Variants in LUZP1 observed in about 807,000 individuals in gnomAD.
LUZP1 encodes leucine zipper protein 1.
LUZP1 carries 25 observed loss-of-function variants against 71.3 expected under a neutral mutation model. The observed-to-expected ratio is 0.35, with a 90% CI of 0.26 to 0.49. The LOEUF is 0.49. LUZP1 is among the 20% of genes least tolerant of loss of function. The pLI is 0.99. For synonymous variants in LUZP1, 481 were observed against 506.4 expected (o/e 0.95, Z 0.67); for missense variants, 1,142 against 1,300.8 (o/e 0.88, Z 1.88).
Position 23,093,849 on chromosome 1 carries a change from C to G in LUZP1, c.413G>C (p.Cys138Ser). Residue 138 changes from cysteine (C) to serine (S), a missense_variant, in exon 4 of 5, where the codon TGT becomes TCT. Transcript: ENST00000302291. This position sits in a 1 kb window ranked among gnomAD's most constrained non-coding sequence, Gnocchi z 4.2. Reference sequence around the variant, plus strand: ...ATTTCTCTCCTCATTCAGGCTCAGACACAGCTGGGTACAGTCATTCTTACT... The same window carrying G: ...ATTTCTCTCCTCATTCAGGCTCAGAGACAGCTGGGTACAGTCATTCTTACT... 1 of 1,614,104 alleles carries G rather than the reference C, an allele frequency of 6.2e-7. No individual in the cohort carries two copies. Among genetic ancestry groups the G allele is most frequent in the Non-Finnish European group, 8.5e-7 (1 of 1,180,022 alleles).
At chr1:23,126,251 C>G (rs1644171050) in intron 2 of LUZP1, among the ~76,000 whole-genome samples, 1 of 152,088 alleles carries the variant, frequency 6.6e-6, no homozygotes, top group South Asian at 2.1e-4. Context: ...TCAGTGCTCT[C>G]TCAACTCATA....
intron 1 of LUZP1, among the ~76,000 whole-genome samples, chr1:23,173,350 C>CTTTTTTTTTTTTTTT (rs869169060): frequency 2.5e-5 from 2 of 80,358 alleles, no homozygotes; most frequent in African/African-American, 4.9e-5. Context: ...TTTGTTTTTT[C>CTTTTTTTTTTTTTTT]TTTTTTTTTT....
intron 1 of LUZP1, among the ~76,000 whole-genome samples, chr1:23,177,169 G>A (rs2148229988): frequency 6.6e-6 from 1 of 152,270 alleles, no homozygotes; most frequent in East Asian, 1.9e-4. Context: ...GGGATTACAG[G>A]CATGAGCCAC....
Position 23,094,125 on chromosome 1 carries a change from T to C in LUZP1, c.137A>G (p.Asp46Gly). The change falls in exon 4 of 5, where the codon GAT (aspartate) becomes GGT (glycine). Residue 46 changes from aspartate (D) to glycine (G), a missense_variant. By Grantham distance (94) the Asp-to-Gly change is moderately conservative (BLOSUM62 -1). Transcript: ENST00000302291. This position sits in a 1 kb window ranked among gnomAD's most constrained non-coding sequence, Gnocchi z 4.7. Reference sequence around the variant, plus strand: ...TGCCTGAATCACCTTGTCCTGGAGATCCAGGAGTTCATCCTCTGCTTTCTG... The same window carrying C: ...TGCCTGAATCACCTTGTCCTGGAGACCCAGGAGTTCATCCTCTGCTTTCTG... 6.2e-7 allele frequency: 1 copy of C among 1,614,198 alleles called. No individual in the cohort carries two copies.
chr1:23,156,137 T>C (rs1465479372), intron 2 of LUZP1, among the ~76,000 whole-genome samples: 1 of 152,160 alleles, frequency 6.6e-6, no homozygotes, highest in African/African-American at 2.4e-5. Flanking sequence ...TCCCAGCACT[T>C]TGGGAGGCCA....
intron 3 of LUZP1, among the ~76,000 whole-genome samples, chr1:23,098,109 T>C (rs1000058539): frequency 6.6e-6 from 1 of 152,214 alleles, no homozygotes; most frequent in Non-Finnish European, 1.5e-5. Flanking sequence ...CTTGTTCAGC[T>C]GGCTGAACAG....
At chr1:23,163,186 G>A (rs1644482430) in intron 2 of LUZP1, among the ~76,000 whole-genome samples, 1 of 142,402 alleles carries the variant, frequency 7.0e-6, no homozygotes, top group South Asian at 2.3e-4. Flanking sequence ...GTTGCAATGA[G>A]CCGAGATCAC....
chr1:23,101,483 T>C (rs1419194303), intron 3 of LUZP1, among the ~76,000 whole-genome samples: 2 of 152,190 alleles, frequency 1.3e-5, no homozygotes, highest in Non-Finnish European at 2.9e-5. Flanking sequence ...AAGTCACTGA[T>C]TTTCTCTATG....
intron 2 of LUZP1, among the ~76,000 whole-genome samples, chr1:23,153,014 C>T (rs1004740823): frequency 6.6e-6 from 1 of 152,166 alleles, no homozygotes; most frequent in Non-Finnish European, 1.5e-5. Flanking sequence ...CCTTAACTGG[C>T]TTCCTTTCAG....
chr1:23,163,306 G>C (rs892689534), intron 2 of LUZP1, among the ~76,000 whole-genome samples: 7 of 151,136 alleles, frequency 4.6e-5, no homozygotes, highest in Non-Finnish European at 7.4e-5. Flanking sequence ...CAACACTCTG[G>C]GAGGCCAAGG....
At chr1:23,160,329 A>G (rs1465669487) in intron 2 of LUZP1, among the ~76,000 whole-genome samples, 1 of 152,248 alleles carries the variant, frequency 6.6e-6, no homozygotes, top group African/African-American at 2.4e-5. Flanking sequence ...AATGTTAGTC[A>G]ACAGAAAATT....
chr1:23,167,876 C>A (rs1270734119), intron 2 of LUZP1, among the ~76,000 whole-genome samples: 2 of 152,066 alleles, frequency 1.3e-5, no homozygotes, highest in Non-Finnish European at 2.9e-5. Context: ...GGCTCCTTCC[C>A]TGCCCGGGCG....
intron 2 of LUZP1, among the ~76,000 whole-genome samples, chr1:23,161,951 A>G (rs1248256922): frequency 2.1e-5 from 3 of 141,318 alleles, no homozygotes; most frequent in Admixed American, 1.5e-4. Flanking sequence ...GCTTGAACCC[A>G]GGAGGTGGAG....
intron 1 of LUZP1, among the ~76,000 whole-genome samples, chr1:23,171,100 ATAT>A (rs1431473420): frequency 7.5e-6 from 1 of 133,270 alleles, no homozygotes; most frequent in African/African-American, 2.7e-5. Flanking sequence ...AAAAAAAAAA[ATAT>A]ATATATATAT....
intron 2 of LUZP1, among the ~76,000 whole-genome samples, chr1:23,154,050 G>A (rs978397029): frequency 1.3e-5 from 2 of 152,134 alleles, no homozygotes; most frequent in Non-Finnish European, 2.9e-5. Flanking sequence ...TCAAAAATAC[G>A]ATGCTAAGTG....
chr1:23,092,025 G>A, exon 4 of LUZP1: 2 of 1,613,970 alleles, frequency 1.2e-6, no homozygotes, highest in Non-Finnish European at 1.7e-6. Context: ...CGCCTCTCTG[G>A]GGCTAAAGGG....
intron 2 of LUZP1, among the ~76,000 whole-genome samples, chr1:23,167,773 C>T (rs1425905396): frequency 1.3e-5 from 2 of 152,294 alleles, no homozygotes; most frequent in East Asian, 3.9e-4. Context: ...AGCGCGGCCG[C>T]TGCGGGTCGC....
At chr1:23,088,890 C>T (rs757117338) in exon 5 of LUZP1, 11 of 1,612,884 alleles carry the variant, frequency 6.8e-6, no homozygotes, top group African/African-American at 5.3e-5. Context: ...AGACACCCAG[C>T]GGGCTCAGTT....
rs1484426318 is a variant in LUZP1, at chr1:23,142,698, TATACACACACACACACACACAC to T, written c.-226+26046_-226+26067del. Reference sequence around the variant, plus strand: ...GGTGGGTGCATAAAATATATATATATATACACACACACACACACACACACACACACACACACACACACACACA... The same window carrying T: ...GGTGGGTGCATAAAATATATATATATACACACACACACACACACACACACA... On this transcript the variant is annotated intron_variant, in intron 2 of 4. Coordinates refer to ENST00000302291, the Ensembl canonical transcript of LUZP1. 5.6e-3 allele frequency among the ~76,000 whole-genome samples: 569 copies of T among 101,480 alleles called. 3 individuals are homozygous for T. The highest frequency in any genetic ancestry group is 7.5e-3 in the Non-Finnish European group (362 of 48,542). 66.6% of individuals were successfully genotyped at this position (101,480 alleles called of 152,430 possible). A position where few individuals can be genotyped will look rare whatever the true frequency, so the allele number is the denominator to read the frequency against.
Sources: allele counts gnomAD v4.1 joint callset (sites outside exome capture counted in the v4.1 genomes callset), GRCh38; gene constraint gnomAD v4.1.1; non-coding constraint Gnocchi (gnomAD v3.1); transcripts MANE v1.5; gene names NCBI Gene and HGNC (gene_info 2026-07-23, HGNC 2026-07-21).